The following DLG2 variants were observed in gnomAD, a reference collection of about 807,000 sequenced individuals.
DLG2 encodes the protein discs large MAGUK scaffold protein 2, also known as disks large homolog 2.
In DLG2, 45 loss-of-function variants were observed where a neutral mutation model predicts 132.5. That is an observed-to-expected ratio of 0.34 (90% confidence interval 0.27 to 0.44). The LOEUF (loss-of-function observed/expected upper bound fraction) is 0.44, where lower values mean the gene tolerates loss of function less well. DLG2 is among the 20% of genes least tolerant of loss of function. The pLI is 1.00. For synonymous variants in DLG2, 424 were observed against 419.6 expected (o/e 1.01, Z -0.13); for missense variants, 1,045 against 1,196.9 (o/e 0.87, Z 1.87).
intron 18 of DLG2, among the ~76,000 whole-genome samples, chr11:83,732,939 G>A (rs2153702909): frequency 6.6e-6 from 1 of 152,194 alleles, no homozygotes; most frequent in East Asian, 1.9e-4. Flanking sequence ...ACACTCAGAA[G>A]TATTTAGAAA....
chr11:85,535,118 A>G (rs1053554185), intron 3 of DLG2, among the ~76,000 whole-genome samples: 1 of 152,158 alleles, frequency 6.6e-6, no homozygotes, highest in African/African-American at 2.4e-5. Context: ...TAGAGGTTAG[A>G]AAAAGTTTAT....
rs775392208 is a variant in DLG2 at position 83,823,578 on chromosome 11, G to A, written c.1722+10036C>T. On this transcript the variant is annotated intron_variant, in intron 17 of 27. Coordinates refer to ENST00000376104, the MANE Select transcript of DLG2 (RefSeq NM_001142699.3). ...ACAGAAGGGATTAATTGGCCAGAGC[G>A]CGAGATGAATAAAACTGAGAGGGGT... is the stretch of plus-strand genomic sequence containing the variant. 7.2e-5 allele frequency among the ~76,000 whole-genome samples: 11 copies of A among 152,102 alleles called. 1 individual carries two copies. Among genetic ancestry groups the A allele is most frequent in the South Asian group, 4.1e-4 (2 of 4,832 alleles).
At chr11:83,835,435 A>C (rs2055869382) in intron 16 of DLG2, among the ~76,000 whole-genome samples, 1 of 152,094 alleles carries the variant, frequency 6.6e-6, no homozygotes, top group Non-Finnish European at 1.5e-5. Context: ...TTTTAGAAAA[A>C]ATTGAAGAGG....
At chr11:83,989,235 C>T (rs1214516112) in intron 11 of DLG2, among the ~76,000 whole-genome samples, 34 of 152,114 alleles carry the variant, frequency 2.2e-4, no homozygotes, top group Admixed American at 2.2e-3. Context: ...CCATCCTCAA[C>T]CTGTACAGGG....
At chr11:84,291,803 T>C (rs1250259907) in intron 7 of DLG2, among the ~76,000 whole-genome samples, 1 of 152,174 alleles carries the variant, frequency 6.6e-6, no homozygotes, top group Admixed American at 6.5e-5. Flanking sequence ...TCTCACACAG[T>C]TGTTGTGTAG....
At chr11:85,122,969 A>ATATTT (rs1438099030) in intron 5 of DLG2, among the ~76,000 whole-genome samples, 9 of 86,872 alleles carry the variant, frequency 1.0e-4, no homozygotes, top group African/African-American at 3.9e-4. Flanking sequence ...ATATATATAT[A>ATATTT]TTTTTTTTTT....
At chr11:85,140,332 G>C (rs770747141) in intron 5 of DLG2, among the ~76,000 whole-genome samples, 6 of 151,788 alleles carry the variant, frequency 4.0e-5, no homozygotes, top group Non-Finnish European at 8.8e-5. Context: ...GTCATCTTTT[G>C]ACTTTTATTT....
At position 83,591,185 on chromosome 11, in the gene DLG2, C is replaced by A. The variant is rs866279042; in HGVS notation, c.1940+42026G>T. On this transcript the variant is annotated intron_variant, in intron 19 of 27. Coordinates refer to ENST00000376104, the MANE Select transcript of DLG2 (RefSeq NM_001142699.3). ...ATACCAAAGCCAGGCAGAGACACAA[C>A]CAAAAAAGAGAATTTTAGACCAATA... is the stretch of plus-strand genomic sequence containing the variant. Among the ~76,000 whole-genome samples the A allele has an allele frequency of 1.3e-3, 187 of 146,908 alleles. 1 individual carries two copies. The Middle Eastern group carries it at 0.014, about 11-fold the overall frequency.
intron 7 of DLG2, among the ~76,000 whole-genome samples, chr11:84,371,548 A>C (rs1484292555): frequency 6.6e-6 from 1 of 152,036 alleles, no homozygotes; most frequent in Non-Finnish European, 1.5e-5. Flanking sequence ...ACGCCTGGCC[A>C]CAAAATCTTT....
intron 9 of DLG2, among the ~76,000 whole-genome samples, chr11:84,110,326 G>A (rs1351796073): frequency 6.6e-6 from 1 of 152,042 alleles, no homozygotes; most frequent in African/African-American, 2.4e-5. Context: ...TCCTCTTACT[G>A]GATGATTGTC....
intron 5 of DLG2, among the ~76,000 whole-genome samples, chr11:85,136,052 A>G (rs1262102155): frequency 6.6e-6 from 1 of 152,190 alleles, no homozygotes; most frequent in Non-Finnish European, 1.5e-5. Flanking sequence ...TATTTGAAAA[A>G]GGAATGAATC....
chr11:85,392,171 C>T (rs1209886411), intron 3 of DLG2, among the ~76,000 whole-genome samples: 2 of 152,010 alleles, frequency 1.3e-5, no homozygotes, highest in Non-Finnish European at 2.9e-5. Context: ...AAATCAAGAA[C>T]TCAACCCCTT....
chr11:84,993,884 T>C (rs1481144049), intron 6 of DLG2, among the ~76,000 whole-genome samples: 1 of 151,990 alleles, frequency 6.6e-6, no homozygotes, highest in Non-Finnish European at 1.5e-5. Flanking sequence ...CATCTCCAAA[T>C]CAGGGGTCTG....
chr11:84,002,985 A>G (rs112896155), intron 11 of DLG2, among the ~76,000 whole-genome samples: 12,558 of 152,220 alleles, frequency 0.082, 592 homozygotes, highest in African/African-American at 0.12. Context: ...TGCTTTTAAG[A>G]GCACCCAGGT....
At chr11:85,525,227 T>A (rs977344617) in intron 3 of DLG2, among the ~76,000 whole-genome samples, 1 of 152,160 alleles carries the variant, frequency 6.6e-6, no homozygotes, top group African/African-American at 2.4e-5. Flanking sequence ...TACAACACAA[T>A]TTTTTTAGTA....
intron 8 of DLG2, among the ~76,000 whole-genome samples, chr11:84,213,717 G>A (rs1485409492): frequency 6.6e-6 from 1 of 151,526 alleles, no homozygotes; most frequent in Non-Finnish European, 1.5e-5. Context: ...TACTCGGGAG[G>A]CTGAGGCAGG....
rs571780102 is a variant in DLG2 at position 83,811,295 on chromosome 11, T to C, written c.1722+22319A>G. Among the ~76,000 whole-genome samples, 9 of 152,246 alleles carry C rather than the reference T, an allele frequency of 5.9e-5. No homozygotes were observed. In the East Asian group the frequency reaches 1.7e-3, roughly 29 times the overall value. ...CAAATCAGTAAACCAATAAATTCAT[T>C]TTTTCTGGACTAAATTCTTTGAAGA... is the stretch of plus-strand genomic sequence containing the variant. On this transcript the variant is annotated intron_variant, in intron 17 of 27. Coordinates refer to ENST00000376104, the MANE Select transcript of DLG2 (RefSeq NM_001142699.3).
chr11:84,227,605 C>T (rs1476618384), intron 8 of DLG2, among the ~76,000 whole-genome samples: 1 of 152,084 alleles, frequency 6.6e-6, no homozygotes, highest in Non-Finnish European at 1.5e-5. Context: ...AGCCCTGTGC[C>T]AGGCAGAGTT....
At chr11:85,019,255 C>T (rs2059827081) in intron 6 of DLG2, among the ~76,000 whole-genome samples, 1 of 152,030 alleles carries the variant, frequency 6.6e-6, no homozygotes, top group South Asian at 2.1e-4. Context: ...CAGGGTAAGA[C>T]TTAACAAAAC....
Sources: gnomAD v4.1 joint callset for allele counts (sites outside exome capture counted in the v4.1 genomes callset) on GRCh38, gnomAD v4.1.1 for gene constraint, MANE v1.5 for transcripts, NCBI Gene and HGNC (gene_info 2026-07-23, HGNC 2026-07-21) for gene names.